LINGO2: variants seen among roughly 807,000 people sequenced by gnomAD.
LINGO2 encodes leucine-rich repeat and immunoglobulin-like domain-containing nogo receptor-interacting protein 2.
Under a neutral mutation model 30.6 loss-of-function variants are expected in LINGO2, and 14 were observed. The ratio of observed to expected loss-of-function variants is 0.46; its 90% confidence interval spans 0.30 to 0.72. The LOEUF is 0.72. LINGO2 is among the 30% of genes least tolerant of loss of function. The pLI, the probability that LINGO2 is intolerant of heterozygous loss-of-function variation, is 0.07. For missense variants in LINGO2, 729 were observed against 751.7 expected (o/e 0.97, Z 0.35); for synonymous variants, 317 against 288.5 (o/e 1.10, Z -1.00).
At chr9:28,257,383 A>G (rs1331835198) in intron 4 of LINGO2, among the ~76,000 whole-genome samples, 1 of 151,894 alleles carries the variant, frequency 6.6e-6, no homozygotes, top group Admixed American at 6.6e-5. Flanking sequence ...ACAGAAGACC[A>G]TTCCAGTCCG....
At position 28,449,765 on chromosome 9, in the gene LINGO2, T is replaced by C. The variant is rs140542928; in HGVS notation, c.-279+26175A>G. Among the ~76,000 whole-genome samples, 128 of 152,186 alleles carry C rather than the reference T, an allele frequency of 8.4e-4. No homozygotes were observed. In the East Asian group the frequency reaches 8.7e-3, roughly 10 times the overall value. On this transcript the variant is annotated intron_variant, in intron 2 of 5. Transcript: ENST00000379992. ...TGCTTCAATTACTAGTCCCCACCTA[T>C]TGGTTCAATATTATCTACTTTATGA...
the LINGO2 span, among the ~76,000 whole-genome samples, chr9:29,007,325 T>C: frequency 2.6e-5 from 4 of 152,120 alleles, no homozygotes; most frequent in Admixed American, 6.6e-5. Flanking sequence ...ATGTAAACTT[T>C]TGGACTGTGG....
intron 1 of LINGO2, among the ~76,000 whole-genome samples, chr9:28,490,986 T>C (rs1490563562): frequency 6.6e-6 from 1 of 152,150 alleles, no homozygotes. Flanking sequence ...GAGAAAACAA[T>C]GTATATAGAG....
At chr9:28,244,815 C>T (rs900223196) in intron 4 of LINGO2, among the ~76,000 whole-genome samples, 2 of 68,580 alleles carry the variant, frequency 2.9e-5, no homozygotes, top group Non-Finnish European at 5.6e-5. Context: ...AATAGTATGC[C>T]AACCAAAAAA....
At chr9:28,831,374 G>A in the LINGO2 span, among the ~76,000 whole-genome samples, 1 of 152,102 alleles carries the variant, frequency 6.6e-6, no homozygotes, top group Non-Finnish European at 1.5e-5. Context: ...AGGCCATATG[G>A]TAGTAAACAC....
chr9:28,039,590 T>G (rs573513312), intron 4 of LINGO2, among the ~76,000 whole-genome samples: 3 of 152,180 alleles, frequency 2.0e-5, no homozygotes, highest in African/African-American at 7.2e-5. Context: ...ATGTAAGTCT[T>G]TTGGACTCTG....
chr9:29,129,081 T>C, the LINGO2 span, among the ~76,000 whole-genome samples: 3 of 152,154 alleles, frequency 2.0e-5, no homozygotes, highest in African/African-American at 7.2e-5. Context: ...GTTATAAAGC[T>C]ATTAACCCAG....
intron 4 of LINGO2, among the ~76,000 whole-genome samples, chr9:28,203,692 A>T (rs1364865769): frequency 6.6e-6 from 1 of 152,214 alleles, no homozygotes; most frequent in Non-Finnish European, 1.5e-5. Context: ...CATTAGCACC[A>T]GTGGAAGAAA....
intron 2 of LINGO2, among the ~76,000 whole-genome samples, chr9:28,464,037 A>G (rs1276223260): frequency 6.6e-6 from 1 of 152,182 alleles, no homozygotes; most frequent in Non-Finnish European, 1.5e-5. Flanking sequence ...CATATTTATC[A>G]AGACAAAACA....
intron 4 of LINGO2, among the ~76,000 whole-genome samples, chr9:28,040,868 A>G (rs946633322): frequency 6.6e-6 from 1 of 152,178 alleles, no homozygotes; most frequent in Non-Finnish European, 1.5e-5. Flanking sequence ...TGCTACTTTG[A>G]TCTACTGCCT....
At chr9:28,469,296 T>C (rs774190938) in intron 2 of LINGO2, among the ~76,000 whole-genome samples, 8 of 147,702 alleles carry the variant, frequency 5.4e-5, no homozygotes, top group Non-Finnish European at 1.0e-4. Flanking sequence ...TAAAGAAAAG[T>C]GAACAGAGCA....
At chr9:28,555,064 C>A (rs1405867494) in intron 1 of LINGO2, among the ~76,000 whole-genome samples, 1 of 138,156 alleles carries the variant, frequency 7.2e-6, no homozygotes, top group Non-Finnish European at 1.5e-5. Flanking sequence ...AAAATTGACA[C>A]CCTAACATCA....
the LINGO2 span, among the ~76,000 whole-genome samples, chr9:28,857,322 G>C: frequency 3.3e-5 from 5 of 152,198 alleles, no homozygotes; most frequent in African/African-American, 1.2e-4. Context: ...ATTACTAGCT[G>C]TGTGTTTTAA....
chr9:28,699,944 C>T, the LINGO2 span, among the ~76,000 whole-genome samples: 1 of 152,036 alleles, frequency 6.6e-6, no homozygotes, highest in Non-Finnish European at 1.5e-5. Flanking sequence ...TTTATCAAGA[C>T]AATACGTGCA....
intron 3 of LINGO2, among the ~76,000 whole-genome samples, chr9:28,299,845 T>A (rs977392351): frequency 2.0e-5 from 3 of 152,134 alleles, no homozygotes; most frequent in African/African-American, 7.2e-5. Flanking sequence ...TAGAGGCTAC[T>A]CAGATCTCAA....
chr9:28,854,063 C>T, the LINGO2 span, among the ~76,000 whole-genome samples: 8 of 151,870 alleles, frequency 5.3e-5, no homozygotes, highest in East Asian at 1.9e-4. Flanking sequence ...TGACAGGAGA[C>T]ATTTTTGGGT....
At chr9:28,866,198 G>T in the LINGO2 span, among the ~76,000 whole-genome samples, 4 of 152,054 alleles carry the variant, frequency 2.6e-5, no homozygotes, top group Non-Finnish European at 5.9e-5. Context: ...ATTTTCCGGT[G>T]CACTGATTAT....
chr9:28,045,725 G>C (rs1824390180), intron 4 of LINGO2, among the ~76,000 whole-genome samples: 1 of 151,516 alleles, frequency 6.6e-6, no homozygotes, highest in African/African-American at 2.4e-5. Context: ...AATTTTCACA[G>C]GTACTATGCT....
the LINGO2 span, among the ~76,000 whole-genome samples, chr9:28,992,077 G>C: frequency 7.2e-5 from 11 of 152,276 alleles, no homozygotes; most frequent in African/African-American, 2.6e-4. Flanking sequence ...TGGCAAGTTG[G>C]ATAAAGACTC....
Sources: allele counts gnomAD v4.1 joint callset (sites outside exome capture counted in the v4.1 genomes callset), GRCh38; gene constraint gnomAD v4.1.1; transcripts MANE v1.5; gene names NCBI Gene and HGNC (gene_info 2026-07-23, HGNC 2026-07-21).